PTP4A2: variants seen among roughly 807,000 people sequenced by gnomAD.
The protein encoded by PTP4A2 is protein tyrosine phosphatase 4A2.
Under a neutral mutation model 22.9 loss-of-function variants are expected in PTP4A2, and 2 were observed. The observed-to-expected ratio is 0.09, with a 90% CI of 0.04 to 0.27. PTP4A2 has a LOEUF of 0.27. Among genes scored for constraint, PTP4A2 ranks in the 10% least tolerant of loss-of-function variants. The pLI, the probability that PTP4A2 is intolerant of heterozygous loss-of-function variation, is 1.00. For synonymous variants in PTP4A2, 68 were observed against 69.1 expected (o/e 0.98, Z 0.08); for missense variants, 103 against 205.1 (o/e 0.50, Z 3.04).
rs1485620238 is a variant in PTP4A2, at chr1:31,908,815, A to G, written c.*37T>C. On this transcript the variant is annotated 3_prime_UTR_variant, in exon 6 of 6. Transcript: ENST00000647444. ...TCCAGGTACCAAGAGTTCCCTCTAA[A>G]TGGCACAATCAAGTCAGCCTTCGTT... 2.7e-6 allele frequency: 4 copies of G among 1,466,184 alleles called. No individual in the cohort carries two copies. Among genetic ancestry groups the G allele is most frequent in the Non-Finnish European group, 3.8e-6 (4 of 1,050,096 alleles). The allele number at this position is 1,466,184 out of a possible 1,614,324, so 90.8% of individuals were successfully genotyped here.
At chr1:31,922,151 T>C (rs1652186093) in intron 1 of PTP4A2, among the ~76,000 whole-genome samples, 1 of 152,210 alleles carries the variant, frequency 6.6e-6, no homozygotes, top group South Asian at 2.1e-4. Context: ...CAAGAAATTT[T>C]AGAACCAACA....
chr1:31,913,034 A>T (rs1249863781), intron 3 of PTP4A2: 1 of 454,120 alleles, frequency 2.2e-6, no homozygotes, highest in African/African-American at 2.0e-5. Context: ...CTAGTTAAGA[A>T]ACAATATAAA....
rs540037931 is a variant in PTP4A2, at chr1:31,910,320, G to A, written c.321-208C>T. On this transcript the variant is annotated intron_variant, in intron 4 of 5. Transcript: ENST00000647444. ...TTGGCGGGGCAGGGGACAGGGTCTC[G>A]CTCTATCACCCAGGCCAGAGTGCAG... 147 of 464,850 alleles carry A rather than the reference G, an allele frequency of 3.2e-4. 1 individual carries two copies. The South Asian group carries it at 3.7e-3, about 12-fold the overall frequency. The allele number at this position is 464,850 out of a possible 1,614,324, so 28.8% of individuals were successfully genotyped here.
intron 1 of PTP4A2, among the ~76,000 whole-genome samples, chr1:31,937,473 A>C (rs1353297308): frequency 6.6e-6 from 1 of 151,562 alleles, no homozygotes; most frequent in Non-Finnish European, 1.5e-5. Context: ...CACTGGACAC[A>C]CGCCGGCACA....
intron 1 of PTP4A2, chr1:31,933,527 G>A (rs1028395318): frequency 6.6e-6 from 1 of 152,060 alleles, no homozygotes; most frequent in Non-Finnish European, 1.5e-5. Context: ...CTGAGCTCAG[G>A]GGTTCGGGAC....
chr1:31,932,138 C>T (rs1042683047), intron 1 of PTP4A2, among the ~76,000 whole-genome samples: 18 of 152,070 alleles, frequency 1.2e-4, no homozygotes, highest in African/African-American at 4.3e-4. Context: ...AGTTAACAGC[C>T]AACATATCTG....
chr1:31,914,855 C>A (rs891892523), intron 3 of PTP4A2, among the ~76,000 whole-genome samples: 1 of 152,166 alleles, frequency 6.6e-6, no homozygotes, highest in African/African-American at 2.4e-5. Context: ...ACTTTGTGCT[C>A]AAATTGAGCT....
chr1:31,924,071 G>A (rs1652334887), intron 1 of PTP4A2: 1 of 152,172 alleles, frequency 6.6e-6, no homozygotes, highest in African/African-American at 2.4e-5. Context: ...TGTGTCAGCT[G>A]AGTAAAGGCA....
chr1:31,931,380 C>T (rs1652720090), intron 1 of PTP4A2, among the ~76,000 whole-genome samples: 1 of 152,172 alleles, frequency 6.6e-6, no homozygotes, highest in Admixed American at 6.5e-5. Flanking sequence ...CTTGACCGGG[C>T]TGAGAATTTC....
intron 2 of PTP4A2, among the ~76,000 whole-genome samples, chr1:31,917,645 A>G (rs939321893): frequency 1.7e-4 from 26 of 152,288 alleles, no homozygotes; most frequent in Admixed American, 1.5e-3. Flanking sequence ...ACAGCAAGAA[A>G]AATCATTTAA....
At position 31,910,129 on chromosome 1, in the gene PTP4A2, G is replaced by A; in HGVS notation, c.321-17C>T. ...ACAGGTGCCCTGCAGAAAGAAACCT[G>A]TATGTAAGTATCCATAAGTCTTGGA... On this transcript the variant is annotated splice_polypyrimidine_tract_variant and intron_variant, in intron 4 of 5. Transcript: ENST00000647444. 2 of 1,593,862 alleles carry A rather than the reference G, an allele frequency of 1.3e-6. No individual in the cohort carries two copies. The highest frequency in any genetic ancestry group is 1.7e-5 in the Admixed American group (1 of 59,666).
At chr1:31,933,007 CTT>C (rs572245637) in intron 1 of PTP4A2, 2 of 144,960 alleles carry the variant, frequency 1.4e-5, no homozygotes, top group Non-Finnish European at 3.1e-5. Context: ...AAGATTTTTT[CTT>C]TTTTTTTTTT....
chr1:31,922,628 TTCTTTC>T (rs1431385424), intron 1 of PTP4A2, among the ~76,000 whole-genome samples: 1 of 139,692 alleles, frequency 7.2e-6, no homozygotes, highest in Non-Finnish European at 1.5e-5. Flanking sequence ...CTTTCTTTCT[TTCTTTC>T]TTTTATTTAT....
chr1:31,911,906 A>G, intron 3 of PTP4A2, 80 bp from the exon 4 acceptor site: 1 of 1,109,212 alleles, frequency 9.0e-7, no homozygotes, highest in Non-Finnish European at 1.3e-6. Flanking sequence ...TGCACACAGT[A>G]CACACGGCAG....
intron 1 of PTP4A2, among the ~76,000 whole-genome samples, chr1:31,926,221 T>TA (rs1270261300): frequency 6.6e-6 from 1 of 150,550 alleles, no homozygotes; most frequent in African/African-American, 2.4e-5. Flanking sequence ...AATCATCCCT[T>TA]TACATTTCCA....
chr1:31,937,835 C>G (rs1653012990), intron 1 of PTP4A2, 152 bp downstream of exon 1: 1 of 152,494 alleles, frequency 6.6e-6, no homozygotes, highest in Admixed American at 6.6e-5. Flanking sequence ...GCCCCTCGCT[C>G]ACCCACCCTC....
intron 2 of PTP4A2, among the ~76,000 whole-genome samples, 186 bp downstream of exon 2, chr1:31,918,784 T>A (rs527812143): frequency 6.6e-6 from 1 of 152,292 alleles, no homozygotes; most frequent in South Asian, 2.1e-4. Flanking sequence ...GTACTAGATA[T>A]CTCTACAGTC....
chr1:31,921,916 T>C (rs900265595), intron 1 of PTP4A2: 2 of 152,088 alleles, frequency 1.3e-5, no homozygotes, highest in Non-Finnish European at 1.5e-5. Context: ...ACTAAAATAA[T>C]ATAAAAGACA....
chr1:31,927,143 G>A (rs1206937612), intron 1 of PTP4A2, among the ~76,000 whole-genome samples: 1 of 152,090 alleles, frequency 6.6e-6, no homozygotes, highest in Non-Finnish European at 1.5e-5. Context: ...CCAATGAAGG[G>A]TTTCACTCAA....
Sources: allele counts gnomAD v4.1 joint callset (sites outside exome capture counted in the v4.1 genomes callset), GRCh38; gene constraint gnomAD v4.1.1; transcripts MANE v1.5; gene names NCBI Gene and HGNC (gene_info 2026-07-23, HGNC 2026-07-21).